Variants in DDX10 observed in about 807,000 individuals in gnomAD.
DDX10 encodes the protein probable ATP-dependent RNA helicase DDX10.
Under a neutral mutation model 104.3 loss-of-function variants are expected in DDX10, and 74 were observed. The ratio of observed to expected loss-of-function variants is 0.71; its 90% CI spans 0.59 to 0.86. The LOEUF (loss-of-function observed/expected upper bound fraction) is 0.86, where lower values mean the gene tolerates loss of function less well. Among genes scored for constraint, DDX10 ranks in the 40% least tolerant of loss-of-function variants. DDX10 has a pLI of 0.00. For synonymous variants in DDX10, 351 were observed against 353.4 expected (o/e 0.99, Z 0.08); for missense variants, 952 against 1,040.0 (o/e 0.92, Z 1.16).
intron 15 of DDX10, among the ~76,000 whole-genome samples, chr11:108,844,290 G>A (rs1862682279): frequency 6.6e-6 from 1 of 152,144 alleles, no homozygotes; most frequent in African/African-American, 2.4e-5. Context: ...GAAATAATTA[G>A]AATAGTTTTC....
chr11:108,883,646 T>G lies in DDX10; in HGVS notation c.2304+31437T>G, dbSNP rs150600243. On this transcript the variant is annotated intron_variant, in intron 16 of 17. Transcript: ENST00000322536. ...TAAAATGCCACAGAATTCTGTATGCTGTTATTACCACTTCCTCATCTCTCA... is the reference window on the plus strand; with the variant it reads ...TAAAATGCCACAGAATTCTGTATGCGGTTATTACCACTTCCTCATCTCTCA... 8.8e-4 allele frequency among the ~76,000 whole-genome samples: 134 copies of G among 152,354 alleles called. 1 individual carries two copies. Among genetic ancestry groups the G allele is most frequent in the African/African-American group, 3.0e-3 (126 of 41,590 alleles).
intron 17 of DDX10, among the ~76,000 whole-genome samples, chr11:108,934,049 A>T (rs1864007158): frequency 6.6e-6 from 1 of 152,208 alleles, no homozygotes; most frequent in South Asian, 2.1e-4. Flanking sequence ...TGTGATAGAG[A>T]TGGTGCGATG....
chr11:108,891,393 C>T (rs1387146600), intron 16 of DDX10, among the ~76,000 whole-genome samples: 2 of 152,112 alleles, frequency 1.3e-5, no homozygotes, highest in Non-Finnish European at 2.9e-5. Context: ...CCAATGAAAT[C>T]ATGATTGGCT....
chr11:108,852,310 G>C, intron 16 of DDX10, 101 bp downstream of exon 16: 1 of 765,838 alleles, frequency 1.3e-6, no homozygotes, highest in Admixed American at 3.0e-5. Flanking sequence ...TGTTAAAATG[G>C]AATTTAAATC....
intron 13 of DDX10, among the ~76,000 whole-genome samples, chr11:108,740,234 A>G (rs1001570863): frequency 2.0e-5 from 3 of 151,980 alleles, no homozygotes; most frequent in African/African-American, 7.3e-5. Flanking sequence ...AACATGTGGT[A>G]TTTGGTTTTC....
At chr11:108,864,246 A>G (rs1862977418) in intron 16 of DDX10, among the ~76,000 whole-genome samples, 1 of 152,242 alleles carries the variant, frequency 6.6e-6, no homozygotes, top group East Asian at 1.9e-4. Context: ...GAAATCACTG[A>G]AAGATGTCTC....
intron 3 of DDX10, 61 bp downstream of exon 3, chr11:108,675,787 A>C: frequency 6.3e-7 from 1 of 1,575,984 alleles, no homozygotes; most frequent in Non-Finnish European, 8.7e-7. Context: ...TTCTGTGCCC[A>C]GATGCAGATT....
chr11:108,692,130 A>C, intron 8 of DDX10, 92 bp downstream of exon 8: 1 of 1,178,874 alleles, frequency 8.5e-7, no homozygotes. Flanking sequence ...AGACTCAAAC[A>C]CTTGGGTTTC....
intron 15 of DDX10, among the ~76,000 whole-genome samples, chr11:108,842,223 T>C (rs1458286939): frequency 6.6e-6 from 1 of 152,172 alleles, no homozygotes; most frequent in Non-Finnish European, 1.5e-5. Context: ...TCCCTAGAAG[T>C]GAACATTTCA....
intron 17 of DDX10, among the ~76,000 whole-genome samples, chr11:108,939,699 G>A (rs1864081592): frequency 6.6e-6 from 1 of 152,072 alleles, no homozygotes; most frequent in Non-Finnish European, 1.5e-5. Flanking sequence ...GCTTTCTTAA[G>A]GCTATCTGTA....
chr11:108,799,574 A>G (rs1861990018), intron 13 of DDX10, among the ~76,000 whole-genome samples: 1 of 152,202 alleles, frequency 6.6e-6, no homozygotes, highest in South Asian at 2.1e-4. Flanking sequence ...ATGTGGAAGA[A>G]GTTAATTCAT....
At chr11:108,707,144 A>G (rs1200959813) in intron 10 of DDX10, among the ~76,000 whole-genome samples, 1 of 152,118 alleles carries the variant, frequency 6.6e-6, no homozygotes, top group East Asian at 1.9e-4. Context: ...AGTTTACACT[A>G]GGGTTCATTC....
chr11:108,908,102 G>GA (rs1488758116), intron 16 of DDX10, among the ~76,000 whole-genome samples: 2 of 151,988 alleles, frequency 1.3e-5, no homozygotes, highest in African/African-American at 2.4e-5. Context: ...TCATAATTCA[G>GA]AAAAAATTTT....
At chr11:108,726,230 T>C (rs1175413556) in intron 13 of DDX10, among the ~76,000 whole-genome samples, 1 of 152,098 alleles carries the variant, frequency 6.6e-6, no homozygotes, top group East Asian at 1.9e-4. Flanking sequence ...CATGGCATTT[T>C]CATGTAAGGT....
intron 17 of DDX10, among the ~76,000 whole-genome samples, chr11:108,925,887 T>G (rs1048168870): frequency 1.3e-5 from 2 of 152,184 alleles, no homozygotes; most frequent in Admixed American, 6.5e-5. Context: ...GAAGACTGGG[T>G]TTTCTTTCCT....
At chr11:108,774,895 C>T (rs2615731) in intron 13 of DDX10, among the ~76,000 whole-genome samples, 23,228 of 152,092 alleles carry the variant, frequency 0.15, 1,970 homozygotes, top group East Asian at 0.27. Context: ...TCTGCCCTTA[C>T]TGAGCTTCTA....
intron 13 of DDX10, among the ~76,000 whole-genome samples, chr11:108,791,022 T>A (rs1263852763): frequency 6.6e-6 from 1 of 152,238 alleles, no homozygotes; most frequent in Non-Finnish European, 1.5e-5. Context: ...GTTTTGATAT[T>A]CTTCCCACAA....
At chr11:108,717,425 T>G (rs2094292933) in intron 11 of DDX10, among the ~76,000 whole-genome samples, 1 of 152,192 alleles carries the variant, frequency 6.6e-6, no homozygotes, top group African/African-American at 2.4e-5. Context: ...TTCTCCTGCT[T>G]CAGCCTCCCG....
At position 108,691,892 on chromosome 11, in the gene DDX10, G is replaced by T. The variant is rs749749021; in HGVS notation, c.992G>T (p.Arg331Leu). ...ATGCCCCAGGTCCAGTATCTGTACC[G>T]AGTGTTTTGCCGGCTACGTCCTGGT... ...SSCKEVQYLY[R>L]VFCRLRPGVS... The change falls in exon 8 of 18, where the codon CGA becomes CTA. Residue 331 changes from arginine (R) to leucine (L), a missense_variant. Arg to Leu is a moderately radical substitution (Grantham distance 102). This residue lies in a region of DDX10 where 412 missense variants were observed against 479.2 expected (regional missense o/e 0.86). Coordinates refer to ENST00000322536, the MANE Select transcript of DDX10 (RefSeq NM_004398.4). 6 of 1,613,976 alleles carry T rather than the reference G, an allele frequency of 3.7e-6. No individual in the cohort carries two copies. The highest frequency in any genetic ancestry group is 4.2e-6 in the Non-Finnish European group (5 of 1,179,934).
Sources: gnomAD v4.1 joint callset for allele counts (sites outside exome capture counted in the v4.1 genomes callset) on GRCh38, gnomAD v4.1.1 for gene constraint, gnomAD v4.1.1 regional missense constraint, MANE v1.5 for transcripts, NCBI Gene and HGNC (gene_info 2026-07-23, HGNC 2026-07-21) for gene names.